NRXN1: variants seen among roughly 807,000 people sequenced by gnomAD.
NRXN1 encodes the protein neurexin-1.
In NRXN1, 39 loss-of-function variants were observed where a neutral mutation model predicts 150.9. The ratio of observed to expected loss-of-function variants is 0.26; its 90% CI spans 0.20 to 0.34. The LOEUF (loss-of-function observed/expected upper bound fraction) is 0.34. Ranked by LOEUF, NRXN1 falls within the 10% of genes least tolerant of loss-of-function variation. The pLI, the probability that NRXN1 is intolerant of heterozygous loss-of-function variation, is 1.00. For missense variants in NRXN1, 1,815 were observed against 1,949.9 expected (o/e 0.93, Z 1.30); for synonymous variants, 924 against 757.0 (o/e 1.22, Z -3.62).
chr2:50,616,037 G>T (rs1679001327), intron 8 of NRXN1: 1 of 151,864 alleles, frequency 6.6e-6, no homozygotes, highest in East Asian at 1.9e-4. Flanking sequence ...AATTTCATAG[G>T]TATGGGCTGC....
intron 5 of NRXN1, among the ~76,000 whole-genome samples, chr2:50,772,462 G>C (rs1201408829): frequency 6.6e-6 from 1 of 151,530 alleles, no homozygotes; most frequent in Non-Finnish European, 1.5e-5. Context: ...TTAAAAGTCA[G>C]GAAAAGATAA....
chr2:50,305,265 T>C (rs1170925303), intron 17 of NRXN1, among the ~76,000 whole-genome samples: 1 of 152,214 alleles, frequency 6.6e-6, no homozygotes. Flanking sequence ...TCAACTTTTA[T>C]TTATATAATA....
At chr2:50,300,420 G>A (rs2074041160) in intron 17 of NRXN1, among the ~76,000 whole-genome samples, 1 of 152,220 alleles carries the variant, frequency 6.6e-6, no homozygotes, top group African/African-American at 2.4e-5. Context: ...CAGTGGGAAA[G>A]TCATCTCTGT....
At chr2:50,604,366 A>C (rs1420716769) in intron 8 of NRXN1, among the ~76,000 whole-genome samples, 1 of 152,214 alleles carries the variant, frequency 6.6e-6, no homozygotes, top group African/African-American at 2.4e-5. Flanking sequence ...CTTATGCACA[A>C]AACTCTGAAC....
At chr2:50,124,521 A>G (rs1704302999) in intron 18 of NRXN1, among the ~76,000 whole-genome samples, 1 of 152,182 alleles carries the variant, frequency 6.6e-6, no homozygotes, top group South Asian at 2.1e-4. Flanking sequence ...ATGTTAAAGT[A>G]TCCAGTTTGG....
At chr2:50,220,906 G>T (rs2063833262) in intron 18 of NRXN1, among the ~76,000 whole-genome samples, 1 of 151,956 alleles carries the variant, frequency 6.6e-6, no homozygotes, top group African/African-American at 2.4e-5. Context: ...GTAACTAGAA[G>T]ATATGCACAC....
At chr2:50,454,329 G>GTAAATAAA (rs983041758) in intron 17 of NRXN1, among the ~76,000 whole-genome samples, 1 of 151,738 alleles carries the variant, frequency 6.6e-6, no homozygotes, top group East Asian at 1.9e-4. Flanking sequence ...CCATCTCGAA[G>GTAAATAAA]TAAATAAATA....
At chr2:50,514,263 A>G (rs149477477) in intron 12 of NRXN1, among the ~76,000 whole-genome samples, 388 of 152,296 alleles carry the variant, frequency 2.5e-3, no homozygotes, top group African/African-American at 8.3e-3. Flanking sequence ...AATTGGTTCT[A>G]TATTTATACA....
rs191185466 is a variant in NRXN1, at chr2:50,457,916, T to G, written c.3364+7526A>C. Among the ~76,000 whole-genome samples, 454 of 152,218 alleles carry G rather than the reference T, an allele frequency of 3.0e-3. 1 individual carries two copies. Among genetic ancestry groups the G allele is most frequent in the African/African-American group, 0.01 (434 of 41,548 alleles). On this transcript the variant is annotated intron_variant, in intron 17 of 22. Transcript: ENST00000401669. ...GAATTAGTACAACCACTATGGAGAA[T>G]AGCTTGGTGGTTCCTCAAAAAATCA...
At chr2:50,623,649 A>G (rs1680456961) in intron 5 of NRXN1, 34 bp from the exon 6 acceptor site, 1 of 1,481,256 alleles carries the variant, frequency 6.8e-7, no homozygotes, top group African/African-American at 1.4e-5. Context: ...ACATAAGTAA[A>G]CAAATACACT....
chr2:50,700,708 A>G (rs945930294), intron 5 of NRXN1, among the ~76,000 whole-genome samples: 5 of 46,418 alleles, frequency 1.1e-4, no homozygotes, highest in Admixed American at 7.7e-4. Context: ...GATTGACCAT[A>G]TTTATTGATT....
chr2:50,985,615 G>T (rs548302515), intron 2 of NRXN1, among the ~76,000 whole-genome samples: 15 of 151,492 alleles, frequency 9.9e-5, no homozygotes, highest in Non-Finnish European at 1.9e-4. Context: ...AAGGAAAAAA[G>T]GATCCAAGGA....
At chr2:50,857,295 A>G (rs1192602197) in intron 5 of NRXN1, among the ~76,000 whole-genome samples, 3 of 151,984 alleles carry the variant, frequency 2.0e-5, no homozygotes, top group African/African-American at 4.8e-5. Flanking sequence ...GGGCAAGGAT[A>G]GTGGGGTGGG....
chr2:50,789,137 T>C (rs369370457), intron 5 of NRXN1, among the ~76,000 whole-genome samples: 2 of 152,328 alleles, frequency 1.3e-5, no homozygotes, highest in East Asian at 1.9e-4. Context: ...TAATTTTACA[T>C]TGTGTATACA....
chr2:50,568,485 C>T (rs1156655631), intron 8 of NRXN1, among the ~76,000 whole-genome samples: 4 of 152,032 alleles, frequency 2.6e-5, no homozygotes, highest in Admixed American at 2.6e-4. Flanking sequence ...GGCAAAAGAT[C>T]TGAAAAGACA....
At chr2:49,949,330 T>A (rs1673514769) in intron 21 of NRXN1, among the ~76,000 whole-genome samples, 1 of 151,978 alleles carries the variant, frequency 6.6e-6, no homozygotes, top group African/African-American at 2.4e-5. Context: ...TGGAATTTTC[T>A]GTATATGCAT....
intron 5 of NRXN1, among the ~76,000 whole-genome samples, chr2:50,833,336 T>C (rs1366064702): frequency 6.6e-6 from 1 of 152,138 alleles, no homozygotes; most frequent in Admixed American, 6.5e-5. Flanking sequence ...TAGATGTTTA[T>C]CCAAGAAAAA....
chr2:50,594,200 A>G (rs1314226783), intron 8 of NRXN1, among the ~76,000 whole-genome samples: 5 of 152,230 alleles, frequency 3.3e-5, no homozygotes, highest in Non-Finnish European at 4.4e-5. Context: ...AGAACAGACT[A>G]TTACAGATAT....
At chr2:50,702,288 C>T (rs949187879) in intron 5 of NRXN1, among the ~76,000 whole-genome samples, 2 of 151,718 alleles carry the variant, frequency 1.3e-5, no homozygotes, top group Non-Finnish European at 1.5e-5. Flanking sequence ...TCCTACAGGC[C>T]ATTTTCATGA....
Sources: gnomAD v4.1 joint callset for allele counts (sites outside exome capture counted in the v4.1 genomes callset) on GRCh38, gnomAD v4.1.1 for gene constraint, MANE v1.5 for transcripts, NCBI Gene and HGNC (gene_info 2026-07-23, HGNC 2026-07-21) for gene names.